SH2B2: variants seen among roughly 807,000 people sequenced by gnomAD.
SH2B2 encodes SH2B adaptor protein 2.
In SH2B2, 37 loss-of-function variants were observed where a neutral mutation model predicts 35.7. The observed-to-expected ratio is 1.04, with a 90% CI of 0.80 to 1.36. SH2B2 has a LOEUF of 1.36. Ranked by LOEUF, SH2B2 falls within the 40% of genes most tolerant of loss-of-function variation. The probability of loss-of-function intolerance (pLI) is 0.00; values close to 1 mark genes in which losing one functional copy is unlikely to be tolerated. For synonymous variants in SH2B2, 383 were observed against 376.4 expected (o/e 1.02, Z -0.20); for missense variants, 852 against 817.7 (o/e 1.04, Z -0.51).
At position 102,314,735 on chromosome 7, in the gene SH2B2, C is replaced by T. The variant is rs2133028820; in HGVS notation, c.1186+53C>T. ...CATCCCACCTCTCCTGGACCCCCAC[C>T]CCCAGCCATGGCCACCCATGGGCTC... On this transcript the variant is annotated intron_variant, in intron 6 of 8. Coordinates refer to ENST00000444095, the MANE Select transcript of SH2B2 (RefSeq NM_001359228.2). The T allele has an allele frequency of 1.0e-5, 4 of 398,792 alleles. No individual in the cohort carries two copies. The East Asian group carries it at 1.4e-4, about 14-fold the overall frequency. The allele number at this position is 398,792 out of a possible 1,614,324, so 24.7% of individuals were successfully genotyped here.
chr7:102,317,466 T>A, intron 7 of SH2B2, 71 bp downstream of exon 7: 1 of 1,364,302 alleles, frequency 7.3e-7, no homozygotes, highest in Non-Finnish European at 9.8e-7. Flanking sequence ...GTGACCCCGG[T>A]CCTGAGGCTG....
At chr7:102,311,290 C>G (rs1793609763) in intron 4 of SH2B2, among the ~76,000 whole-genome samples, 1 of 151,126 alleles carries the variant, frequency 6.6e-6, no homozygotes, top group Admixed American at 6.6e-5. Context: ...AGTCTCGCTC[C>G]ATCATCCAGG....
rs2133028836 is a variant in SH2B2, at chr7:102,314,736, C to G, written c.1186+54C>G. 9.8e-5 allele frequency: 39 copies of G among 398,652 alleles called. No homozygotes were observed. In the East Asian group the frequency reaches 1.4e-3, roughly 14 times the overall value. 24.7% of individuals were successfully genotyped at this position (398,652 alleles called of 1,614,324 possible). A position where few individuals can be genotyped will look rare whatever the true frequency, so the allele number is the denominator to read the frequency against. On this transcript the variant is annotated intron_variant, in intron 6 of 8. Transcript: ENST00000444095. Reference sequence around the variant, plus strand: ...ATCCCACCTCTCCTGGACCCCCACCCCCAGCCATGGCCACCCATGGGCTCC... The same window carrying G: ...ATCCCACCTCTCCTGGACCCCCACCGCCAGCCATGGCCACCCATGGGCTCC...
intron 7 of SH2B2, among the ~76,000 whole-genome samples, chr7:102,319,252 G>A (rs145045761): frequency 2.0e-5 from 3 of 152,326 alleles, no homozygotes; most frequent in East Asian, 1.9e-4. Flanking sequence ...TGTGCCCTGC[G>A]CAGGCTCTGC....
chr7:102,306,715 C>G lies in SH2B2; in HGVS notation c.730-6C>G. ...GGCCACTCACTATCCTTCTTCTGGC[C>G]CCCAGGCCTCCAGGCCCAAGGTCAG... On this transcript the variant is annotated splice_polypyrimidine_tract_variant and splice_region_variant and intron_variant, in intron 2 of 8. Coordinates refer to ENST00000444095, the MANE Select transcript of SH2B2 (RefSeq NM_001359228.2). 1 of 1,580,078 alleles carries G rather than the reference C, an allele frequency of 6.3e-7. No individual in the cohort carries two copies. Among genetic ancestry groups the G allele is most frequent in the Non-Finnish European group, 8.6e-7 (1 of 1,162,702 alleles).
upstream of SH2B2, among the ~76,000 whole-genome samples, chr7:102,285,568 G>C (rs1323230636): frequency 6.6e-6 from 1 of 152,250 alleles, no homozygotes; most frequent in African/African-American, 2.4e-5. Flanking sequence ...CAGCACCGGG[G>C]TTTTGGGCAG....
intron 1 of SH2B2, among the ~76,000 whole-genome samples, chr7:102,288,732 G>A (rs572745030): frequency 1.3e-3 from 194 of 152,252 alleles, no homozygotes; most frequent in African/African-American, 4.4e-3. Flanking sequence ...CATCAGGATC[G>A]CCGTTCGTGT....
chr7:102,294,850 C>T lies in SH2B2; in HGVS notation c.-29-5672C>T, dbSNP rs1444012147. 1.2e-4 allele frequency among the ~76,000 whole-genome samples: 19 copies of T among 152,314 alleles called. No homozygotes were observed. In the East Asian group the frequency reaches 2.3e-3, roughly 19 times the overall value. On this transcript the variant is annotated intron_variant, in intron 1 of 8. Transcript: ENST00000444095. ...CTGCTCAACCTGCTTCCTCTGCATC[C>T]GGGGCTGGACCTACTGAGGGCTTCT... is the stretch of plus-strand genomic sequence containing the variant.
chr7:102,315,666 C>T (rs1487807106), intron 6 of SH2B2, among the ~76,000 whole-genome samples: 4 of 147,000 alleles, frequency 2.7e-5, no homozygotes, highest in African/African-American at 1.0e-4. Context: ...CACTTGAGCC[C>T]AGGAGGTCAA....
chr7:102,318,408 G>C (rs988140815), intron 7 of SH2B2, among the ~76,000 whole-genome samples: 6 of 152,172 alleles, frequency 3.9e-5, no homozygotes, highest in Non-Finnish European at 7.3e-5. Context: ...CAAAGTGCTG[G>C]GATTACAGGC....
At chr7:102,290,503 G>A (rs1235905670) in intron 1 of SH2B2, among the ~76,000 whole-genome samples, 1 of 152,154 alleles carries the variant, frequency 6.6e-6, no homozygotes, top group African/African-American at 2.4e-5. Flanking sequence ...GACCTCAAGT[G>A]ATCCGCCCTC....
At chr7:102,310,559 G>A (rs374690589) in intron 4 of SH2B2, among the ~76,000 whole-genome samples, 28 of 152,312 alleles carry the variant, frequency 1.8e-4, no homozygotes, top group African/African-American at 6.5e-4. Flanking sequence ...CAGGCCAGGA[G>A]TAGGAGGGAT....
At position 102,297,957 on chromosome 7, in the gene SH2B2, G is replaced by A. The variant is rs117172383; in HGVS notation, c.-29-2565G>A. ...CAAGAGTGGTCAGGGAAGGCTATCC[G>A]CCAAGCCATTGGTTGAGCAGAAACC... is the stretch of plus-strand genomic sequence containing the variant. On this transcript the variant is annotated intron_variant, in intron 1 of 8. Transcript: ENST00000444095. The surrounding 1 kb of genome is among the most constrained non-coding windows in gnomAD (Gnocchi z 4.3). Among the ~76,000 whole-genome samples the A allele has an allele frequency of 6.0e-3, 915 of 152,298 alleles. 4 individuals are homozygous for A. The highest frequency in any genetic ancestry group is 0.03 in the South Asian group (143 of 4,828).
Position 102,301,055 on chromosome 7 carries a change from G to A in SH2B2, c.505G>A (p.Ala169Thr), listed in dbSNP as rs1793159838. The A allele has an allele frequency of 3.6e-6, 5 of 1,374,882 alleles. No individual in the cohort carries two copies. In the East Asian group the frequency reaches 9.4e-5, roughly 26 times the overall value. The allele number at this position is 1,374,882 out of a possible 1,614,324, so 85.2% of individuals were successfully genotyped here. ...CGACGCGGCAGCTGCCCCGCGCACC[G>A]CCGAGCCCCGCGACAAGTGGACGCG... is the stretch of plus-strand genomic sequence containing the variant. ...EPDAAAAPRT[A>T]EPRDKWTRRL... Residue 169 changes from alanine (A) to threonine (T), a missense_variant, in exon 2 of 9, where the codon GCC becomes ACC. By Grantham distance (58) the Ala-to-Thr change is moderately conservative. This residue lies in a region of SH2B2 where 294 missense variants were observed against 286.6 expected (regional missense o/e 1.03). Coordinates refer to ENST00000444095, the MANE Select transcript of SH2B2 (RefSeq NM_001359228.2).
intron 4 of SH2B2, among the ~76,000 whole-genome samples, chr7:102,312,637 T>C (rs1261620759): frequency 2.0e-5 from 3 of 152,196 alleles, no homozygotes; most frequent in African/African-American, 7.2e-5. Flanking sequence ...ATTTCTTTCT[T>C]TCTTTTTTTC....
intron 3 of SH2B2, 47 bp from the exon 4 acceptor site, chr7:102,308,768 C>T (rs1554555348): frequency 7.2e-7 from 1 of 1,395,414 alleles, no homozygotes. Context: ...TGGTCTGGAG[C>T]CCATCTGCTG....
rs540225632 is a variant in SH2B2 at position 102,302,896 on chromosome 7, C to T, written c.729+1617C>T. ...CTGCACCACTGCCCTCTAAGCTAGGCGACAGAGTGAGACCCTATCTCAAAA... is the reference window on the plus strand; with the variant it reads ...CTGCACCACTGCCCTCTAAGCTAGGTGACAGAGTGAGACCCTATCTCAAAA... On this transcript the variant is annotated intron_variant, in intron 2 of 8. Transcript: ENST00000444095. 1.2e-4 allele frequency among the ~76,000 whole-genome samples: 18 copies of T among 151,976 alleles called. 1 individual carries two copies. The South Asian group carries it at 3.1e-3, about 26-fold the overall frequency.
chr7:102,313,297 A>G (rs1466670435), intron 4 of SH2B2, among the ~76,000 whole-genome samples: 3 of 151,542 alleles, frequency 2.0e-5, no homozygotes, highest in African/African-American at 7.3e-5. Context: ...AAAAAAAAAA[A>G]ATTAGCTGGG....
rs1264276958 is a variant in SH2B2, at chr7:102,321,596, C to A, written c.1865C>A (p.Ala622Glu). 1 of 1,159,202 alleles carries A rather than the reference C, an allele frequency of 8.6e-7. No individual in the cohort carries two copies. Among genetic ancestry groups the A allele is most frequent in the African/African-American group, 1.6e-5 (1 of 61,418 alleles). The allele number at this position is 1,159,202 out of a possible 1,614,324, so 71.8% of individuals were successfully genotyped here. The change falls in exon 9 of 9, where the codon GCG (alanine) becomes GAG (glutamate). Residue 622 changes from alanine (A) to glutamate (E), a missense_variant. By Grantham distance (107) the Ala-to-Glu change is moderately radical. Around this residue, in one of 3 missense-constraint regions of SH2B2, gnomAD observed 556 missense variants for 514.5 expected, o/e 1.08. Transcript: ENST00000444095. ...EEPPEAAPGRARAVENQYSFY is the reference protein window; with the variant it reads ...EEPPEAAPGRERAVENQYSFY ...CCCCCGGAGGCCGCGCCCGGCCGCG[C>A]GCGCGCCGTGGAGAACCAGTACTCC...
Sources: gnomAD v4.1 joint callset for allele counts (sites outside exome capture counted in the v4.1 genomes callset) on GRCh38, gnomAD v4.1.1 for gene constraint, gnomAD v4.1.1 regional missense constraint, Gnocchi (gnomAD v3.1) non-coding constraint, MANE v1.5 for transcripts, NCBI Gene and HGNC (gene_info 2026-07-23, HGNC 2026-07-21) for gene names.